ANGPT1: variants seen among roughly 807,000 people sequenced by gnomAD.
ANGPT1 encodes angiopoietin-1.
A neutral mutation model predicts 62.2 loss-of-function variants in ANGPT1; 17 were observed. That is an observed-to-expected ratio of 0.27 (90% CI 0.19 to 0.41). ANGPT1 has a LOEUF of 0.41. Ranked by LOEUF, ANGPT1 falls within the 10% of genes least tolerant of loss-of-function variation. The pLI, the probability that ANGPT1 is intolerant of heterozygous loss-of-function variation, is 1.00. For missense variants in ANGPT1, 478 were observed against 594.9 expected, an observed-to-expected ratio of 0.80 and a Z score of 2.04; for synonymous variants, 199 against 198.9, an observed-to-expected ratio of 1.00 and a Z score of 0.00.
At chr8:107,486,040 C>T (rs1225226962) in intron 1 of ANGPT1, among the ~76,000 whole-genome samples, 1 of 152,144 alleles carries the variant, frequency 6.6e-6, no homozygotes, top group African/African-American at 2.4e-5. Context: ...CAATCAGCAA[C>T]AGAGCCTACA....
intron 1 of ANGPT1, among the ~76,000 whole-genome samples, chr8:107,370,195 AAAAGAAAG>A (rs35083108): frequency 1.1e-5 from 1 of 93,258 alleles, no homozygotes; most frequent in African/African-American, 4.5e-5. Flanking sequence ...AAGAAAGAAA[AAAAGAAAG>A]AAAGAAAGAA....
At chr8:107,423,014 T>G (rs1810931973) in intron 1 of ANGPT1, among the ~76,000 whole-genome samples, 1 of 152,158 alleles carries the variant, frequency 6.6e-6, no homozygotes, top group South Asian at 2.1e-4. Flanking sequence ...AAGGGATTAA[T>G]ATTATTTTTA....
intron 1 of ANGPT1, among the ~76,000 whole-genome samples, chr8:107,420,317 T>C (rs1401567794): frequency 2.0e-5 from 3 of 152,160 alleles, no homozygotes; most frequent in African/African-American, 7.2e-5. Flanking sequence ...CCCAGTTCAA[T>C]GTAAAAAGTG....
At chr8:107,370,549 A>G (rs1304959499) in intron 1 of ANGPT1, among the ~76,000 whole-genome samples, 1 of 27,586 alleles carries the variant, frequency 3.6e-5, no homozygotes, top group Non-Finnish European at 6.5e-5. Flanking sequence ...TAAAAATAAA[A>G]AAATTAGCCG....
chr8:107,358,896 T>G (rs1186172995), intron 1 of ANGPT1, among the ~76,000 whole-genome samples: 1 of 152,216 alleles, frequency 6.6e-6, no homozygotes, highest in Non-Finnish European at 1.5e-5. Flanking sequence ...TGTTTTCATT[T>G]TTAGTAAGAA....
Position 107,250,884 on chromosome 8 carries a change from A to G in ANGPT1, c.*971T>C, listed in dbSNP as rs1485572219. The G allele has an allele frequency of 6.6e-6, 1 of 152,118 alleles. No individual in the cohort carries two copies. The highest frequency in any genetic ancestry group is 1.9e-4 in the East Asian group (1 of 5,196). 9.4% of individuals were successfully genotyped at this position (152,118 alleles called of 1,614,324 possible). A position where few individuals can be genotyped will look rare whatever the true frequency, so the allele number is the denominator to read the frequency against. On this transcript the variant is annotated 3_prime_UTR_variant, in exon 9 of 9. Coordinates refer to ENST00000517746, the MANE Select transcript of ANGPT1 (RefSeq NM_001146.5). ...TACACATGCAAGTAGATACTGTAAA[A>G]TGAACTGCTCCAGAGTACTTGCTTT...
chr8:107,425,336 GACTTATT>G (rs987189402), intron 1 of ANGPT1, among the ~76,000 whole-genome samples: 1 of 152,094 alleles, frequency 6.6e-6, no homozygotes, highest in Non-Finnish European at 1.5e-5. Flanking sequence ...TTTATTCGCT[GACTTATT>G]ACTTAATACA....
intron 1 of ANGPT1, among the ~76,000 whole-genome samples, chr8:107,492,323 A>G (rs1444162765): frequency 6.6e-6 from 1 of 152,192 alleles, no homozygotes; most frequent in Non-Finnish European, 1.5e-5. Context: ...TATTAAAATC[A>G]TACTTACTAA....
chr8:107,306,027 A>G (rs1814706771), intron 4 of ANGPT1, among the ~76,000 whole-genome samples: 1 of 152,076 alleles, frequency 6.6e-6, no homozygotes, highest in Non-Finnish European at 1.5e-5. Context: ...GTAGTTATAA[A>G]TACCTCTGAG....
At chr8:107,433,992 TCTTTC>T (rs1458246622) in intron 1 of ANGPT1, among the ~76,000 whole-genome samples, 2 of 152,228 alleles carry the variant, frequency 1.3e-5, no homozygotes, top group Admixed American at 6.5e-5. Flanking sequence ...ATAGTCCTTA[TCTTTC>T]CTTTCCTATA....
intron 1 of ANGPT1, among the ~76,000 whole-genome samples, chr8:107,482,533 T>C (rs1014350348): frequency 6.6e-6 from 1 of 152,104 alleles, no homozygotes; most frequent in Non-Finnish European, 1.5e-5. Context: ...AGGGCATGAG[T>C]ATTGTAGTGC....
At position 107,347,053 on chromosome 8, in the gene ANGPT1, C is replaced by G. The variant is rs200040737; in HGVS notation, c.342G>C (p.Gln114His). The change falls in exon 2 of 9, where the codon CAG becomes CAC. Residue 114 changes from glutamine (Q) to histidine (H), a missense_variant. By Grantham distance (24) the Gln-to-His change is conservative (BLOSUM62 0). This residue lies in a region of ANGPT1 where 343 missense variants were observed against 355.4 expected (regional missense o/e 0.97). Transcript: ENST00000517746. ...IVENMKSEMA[Q>H]IQQNAVQNHT... is the part of the protein sequence containing the mutation. ...GGTTCTGAACTGCATTCTGCTGTAT[C>G]TGGGCCATCTCCGACTTCATGTTTT... 1.7e-5 allele frequency: 28 copies of G among 1,613,888 alleles called. No homozygotes were observed. The highest frequency in any genetic ancestry group is 3.4e-6 in the Non-Finnish European group (4 of 1,179,842).
chr8:107,250,800 A>G lies in ANGPT1; in HGVS notation c.*1055T>C, dbSNP rs1383981807. 1 of 152,096 alleles carries G rather than the reference A, an allele frequency of 6.6e-6. No individual in the cohort carries two copies. Among genetic ancestry groups the G allele is most frequent in the East Asian group, 1.9e-4 (1 of 5,188 alleles). 9.4% of individuals were successfully genotyped at this position (152,096 alleles called of 1,614,324 possible). A position where few individuals can be genotyped will look rare whatever the true frequency, so the allele number is the denominator to read the frequency against. ...GCAAAATTTAAATTAGCAAGACATA[A>G]CAGGGTGAGTATTGGAGTTCTAAAA... On this transcript the variant is annotated 3_prime_UTR_variant, in exon 9 of 9. Coordinates refer to ENST00000517746, the MANE Select transcript of ANGPT1 (RefSeq NM_001146.5).
At chr8:107,351,432 A>G (rs1444096625) in intron 1 of ANGPT1, among the ~76,000 whole-genome samples, 3 of 152,008 alleles carry the variant, frequency 2.0e-5, no homozygotes, top group South Asian at 2.1e-4. Context: ...TCTCAACTCT[A>G]TCTTCTGATG....
At chr8:107,324,427 G>A (rs1046741084) in intron 3 of ANGPT1, among the ~76,000 whole-genome samples, 1 of 152,030 alleles carries the variant, frequency 6.6e-6, no homozygotes, top group Non-Finnish European at 1.5e-5. Context: ...GTTGTGTAAA[G>A]ATTGGAGCAC....
intron 2 of ANGPT1, among the ~76,000 whole-genome samples, chr8:107,341,373 A>G (rs114589672): frequency 0.013 from 2,014 of 152,258 alleles, 34 homozygotes; most frequent in African/African-American, 0.046. Context: ...CAGTTTCTTA[A>G]GAATGTCAAT....
chr8:107,362,155 C>T (rs1816180446), intron 1 of ANGPT1, among the ~76,000 whole-genome samples: 1 of 152,188 alleles, frequency 6.6e-6, no homozygotes, highest in African/African-American at 2.4e-5. Flanking sequence ...TATATAAACA[C>T]ATTTCAATGA....
At chr8:107,299,391 G>A (rs1330606225) in intron 5 of ANGPT1, among the ~76,000 whole-genome samples, 1 of 112,598 alleles carries the variant, frequency 8.9e-6, no homozygotes, top group East Asian at 3.3e-4. Flanking sequence ...ATGAAGGAGT[G>A]TATATATATA....
intron 1 of ANGPT1, among the ~76,000 whole-genome samples, chr8:107,461,541 A>C (rs1264687880): frequency 6.6e-6 from 1 of 152,038 alleles, no homozygotes; most frequent in Admixed American, 6.6e-5. Flanking sequence ...CACCTAAAAT[A>C]ATAATGACAC....
Sources: allele counts gnomAD v4.1 joint callset (sites outside exome capture counted in the v4.1 genomes callset), GRCh38; gene constraint gnomAD v4.1.1; regional missense constraint gnomAD v4.1.1; transcripts MANE v1.5; gene names NCBI Gene and HGNC (gene_info 2026-07-23, HGNC 2026-07-21).